The following RMND1 variants were observed in gnomAD, a reference collection of about 807,000 sequenced individuals.
RMND1 encodes required for meiotic nuclear division 1 homolog.
In RMND1, 41 loss-of-function variants were observed where a neutral mutation model predicts 54.0. The observed-to-expected ratio is 0.76, with a 90% confidence interval of 0.59 to 0.98. The LOEUF is 0.98. Ranked by LOEUF, RMND1 falls within the 50% of genes least tolerant of loss-of-function variation. RMND1 has a pLI of 0.00. For missense variants in RMND1, 457 were observed against 532.0 expected, an observed-to-expected ratio of 0.86 and a Z score of 1.39; for synonymous variants, 183 against 181.7, an observed-to-expected ratio of 1.01 and a Z score of -0.06.
At position 151,451,468 on chromosome 6, in the gene RMND1, C is replaced by T. The variant is rs117926515; in HGVS notation, c.-15+548G>A. 1.7e-3 allele frequency among the ~76,000 whole-genome samples: 257 copies of T among 152,114 alleles called. 4 individuals are homozygous for T. In the East Asian group the frequency reaches 0.041, roughly 24 times the overall value. ...CAAAACGAGGTAAATCAGTAAAATA[C>T]GTGAGACACAAAGCTAAAGGAAAAA... On this transcript the variant is annotated intron_variant, in intron 1 of 11. Transcript: ENST00000444024.
At chr6:151,419,478 G>A (rs1172009013) in intron 9 of RMND1, among the ~76,000 whole-genome samples, 2 of 151,840 alleles carry the variant, frequency 1.3e-5, no homozygotes, top group Admixed American at 1.3e-4. Flanking sequence ...GAGGAGGATT[G>A]CTTGAGCAAG....
chr6:151,423,187 C>A (rs1261947492), intron 7 of RMND1, among the ~76,000 whole-genome samples: 1 of 152,114 alleles, frequency 6.6e-6, no homozygotes, highest in African/African-American at 2.4e-5. Context: ...GACCTGTGCC[C>A]AGTCACACAA....
In RMND1 at chr6:151,405,852, T is replaced by C; in HGVS notation, c.1201-16A>G. 3 of 1,314,522 alleles carry C rather than the reference T, an allele frequency of 2.3e-6. No homozygotes were observed. The highest frequency in any genetic ancestry group is 3.3e-6 in the Non-Finnish European group (3 of 908,670). 81.4% of individuals were successfully genotyped at this position (1,314,522 alleles called of 1,614,324 possible). A position where few individuals can be genotyped will look rare whatever the true frequency, so the allele number is the denominator to read the frequency against. ...CATTCATGACCTATGTAAGAAAAATTTCAGTAACATGTATTTAAACAATTT... is the reference window on the plus strand; with the variant it reads ...CATTCATGACCTATGTAAGAAAAATCTCAGTAACATGTATTTAAACAATTT... On this transcript the variant is annotated splice_polypyrimidine_tract_variant and intron_variant, in intron 10 of 11. Coordinates refer to ENST00000444024, the MANE Select transcript of RMND1 (RefSeq NM_017909.4).
intron 8 of RMND1, among the ~76,000 whole-genome samples, chr6:151,422,214 C>A (rs1285928569): frequency 6.6e-6 from 1 of 152,068 alleles, no homozygotes; most frequent in Non-Finnish European, 1.5e-5. Context: ...TGCATCTGTA[C>A]CGAACATGTA....
chr6:151,448,941 G>C (rs116512549), intron 1 of RMND1, among the ~76,000 whole-genome samples: 1 of 151,682 alleles, frequency 6.6e-6, no homozygotes, highest in Non-Finnish European at 1.5e-5. Flanking sequence ...GCCGGGCATG[G>C]TGGCATGGGC....
chr6:151,441,970 G>T (rs1445805517), intron 2 of RMND1, among the ~76,000 whole-genome samples: 1 of 152,126 alleles, frequency 6.6e-6, no homozygotes, highest in Non-Finnish European at 1.5e-5. Context: ...TAACTAACTG[G>T]CGTCTGCACT....
intron 1 of RMND1, among the ~76,000 whole-genome samples, chr6:151,450,294 G>C (rs1409953806): frequency 1.3e-5 from 2 of 150,978 alleles, no homozygotes; most frequent in Non-Finnish European, 3.0e-5. Flanking sequence ...GCCTCTGCCC[G>C]GCCGCCCCAT....
At chr6:151,407,613 C>T (rs1158033338) in intron 10 of RMND1, among the ~76,000 whole-genome samples, 1 of 152,086 alleles carries the variant, frequency 6.6e-6, no homozygotes, top group Non-Finnish European at 1.5e-5. Context: ...AATGTGCAAG[C>T]AAGAGTCCCT....
Position 151,427,538 on chromosome 6 carries a change from G to A in RMND1, c.774C>T (p.Pro258=), listed in dbSNP as rs1649308678. Residue 258 remains proline (P), a synonymous_variant, in exon 6 of 12, where the codon CCC becomes CCT. Coordinates refer to ENST00000444024, the MANE Select transcript of RMND1 (RefSeq NM_017909.4). ...MKVLEKHEIQ[P]YEIALVHWEN... is the part of the protein sequence containing the mutation. ...CCCAGTGTACCAGTGCGATTTCATA[G>A]GGCTGAATTTCATGTTTTTCTAGAA... 1 of 1,612,682 alleles carries A rather than the reference G, an allele frequency of 6.2e-7. No homozygotes were observed. The highest frequency in any genetic ancestry group is 8.5e-7 in the Non-Finnish European group (1 of 1,179,036).
At chr6:151,451,198 T>TAAAAAAA (rs58457871) in intron 1 of RMND1, among the ~76,000 whole-genome samples, 5 of 113,346 alleles carry the variant, frequency 4.4e-5, no homozygotes, top group Admixed American at 9.1e-5. Context: ...GAATGATCAA[T>TAAAAAAA]AAAAAAAAAA....
rs72997908 is a variant in RMND1 at position 151,429,825 on chromosome 6, C to T, written c.729+313G>A. On this transcript the variant is annotated intron_variant, in intron 5 of 11. Transcript: ENST00000444024. The stretch of plus-strand genomic sequence containing the variant: ...GACTTAAAAGAACACTCAATGCAAC[C>T]AGCTTCCAATTAACTGCATACATTT... Among the ~76,000 whole-genome samples, 7,746 of 152,198 alleles carry T rather than the reference C, an allele frequency of 0.051. 289 individuals carry two copies. The highest frequency in any genetic ancestry group is 0.067 in the Non-Finnish European group (4,585 of 67,990).
Position 151,445,245 on chromosome 6 carries a change from G to A in RMND1, c.504+63C>T, listed in dbSNP as rs1444152783. On this transcript the variant is annotated intron_variant, in intron 2 of 11. Transcript: ENST00000444024. Reference sequence around the variant, plus strand: ...GTTGGCGGTAAGGCTGGGGTGCAACGCACACTGGTTTAGCATGAGCAATGA... The same window carrying A: ...GTTGGCGGTAAGGCTGGGGTGCAACACACACTGGTTTAGCATGAGCAATGA... The A allele has an allele frequency of 3.3e-6, 5 of 1,521,852 alleles. No individual in the cohort carries two copies. The African/African-American group carries it at 4.2e-5, about 13-fold the overall frequency. 94.3% of individuals were successfully genotyped at this position (1,521,852 alleles called of 1,614,324 possible).
chr6:151,450,322 C>CGGT (rs536861601), intron 1 of RMND1, among the ~76,000 whole-genome samples: 2 of 149,228 alleles, frequency 1.3e-5, no homozygotes, highest in South Asian at 2.1e-4. Flanking sequence ...GTGAGGAGAC[C>CGGT]CTCCGCCCGG....
At chr6:151,434,493 G>A (rs1448400175) in intron 3 of RMND1, among the ~76,000 whole-genome samples, 1 of 150,722 alleles carries the variant, frequency 6.6e-6, no homozygotes, top group African/African-American at 2.5e-5. Flanking sequence ...AAATAAAATC[G>A]ACTGAAACAA....
intron 4 of RMND1, among the ~76,000 whole-genome samples, chr6:151,431,998 C>T (rs997820602): frequency 4.6e-5 from 7 of 151,376 alleles, no homozygotes; most frequent in Middle Eastern, 3.4e-3. Context: ...TGCAATGGCA[C>T]GATCTCAGCT....
rs2114935369 is a variant in RMND1 at position 151,421,225 on chromosome 6, T to C, written c.1079+20A>G. 6.6e-7 allele frequency: 1 copy of C among 1,518,106 alleles called. No individual in the cohort carries two copies. Among genetic ancestry groups the C allele is most frequent in the East Asian group, 2.3e-5 (1 of 44,300 alleles). The allele number at this position is 1,518,106 out of a possible 1,614,324, so 94.0% of individuals were successfully genotyped here. On this transcript the variant is annotated intron_variant, in intron 9 of 11. Transcript: ENST00000444024. Reference sequence around the variant, plus strand: ...ATTGTTAAATATATGAAATATTTTATTTAGAGAGAAAACTTTTACCTTAGA... The same window carrying C: ...ATTGTTAAATATATGAAATATTTTACTTAGAGAGAAAACTTTTACCTTAGA...
At chr6:151,411,994 A>G (rs1186483410) in intron 10 of RMND1, 1 of 152,108 alleles carries the variant, frequency 6.6e-6, no homozygotes, top group Non-Finnish European at 1.5e-5. Flanking sequence ...CCTACCCTCG[A>G]GCGTAGGCTC....
chr6:151,405,863 GTATT>G (rs1308680145), intron 10 of RMND1, 27 bp from the exon 11 acceptor site: 9 of 1,203,800 alleles, frequency 7.5e-6, no homozygotes, highest in Non-Finnish European at 1.1e-5. Flanking sequence ...TCAGTAACAT[GTATT>G]TAAACAATTT....
At chr6:151,416,398 T>A (rs371033061) in intron 10 of RMND1, among the ~76,000 whole-genome samples, 6 of 149,978 alleles carry the variant, frequency 4.0e-5, no homozygotes, top group Non-Finnish European at 7.4e-5. Flanking sequence ...TTTCCCCATG[T>A]GGTCTACCTC....
Sources: gnomAD v4.1 joint callset for allele counts (sites outside exome capture counted in the v4.1 genomes callset) on GRCh38, gnomAD v4.1.1 for gene constraint, MANE v1.5 for transcripts, NCBI Gene and HGNC (gene_info 2026-07-23, HGNC 2026-07-21) for gene names.